Variants in ATP11A observed in about 807,000 individuals in gnomAD.
ATP11A encodes the protein ATPase phospholipid transporting 11A, also known as phospholipid-transporting ATPase IH.
Under a neutral mutation model 154.4 loss-of-function variants are expected in ATP11A, and 81 were observed. The ratio of observed to expected loss-of-function variants is 0.52; its 90% confidence interval spans 0.44 to 0.63. The LOEUF (loss-of-function observed/expected upper bound fraction) is 0.63. Among genes scored for constraint, ATP11A ranks in the 30% least tolerant of loss-of-function variants. ATP11A has a pLI of 0.00. For missense variants in ATP11A, 1,316 were observed against 1,474.3 expected, an observed-to-expected ratio of 0.89 and a Z score of 1.76; for synonymous variants, 623 against 585.9, an observed-to-expected ratio of 1.06 and a Z score of -0.91.
At chr13:112,810,832 A>T (rs2078472978) in intron 5 of ATP11A, 106 bp downstream of exon 5, 3 of 934,852 alleles carry the variant, frequency 3.2e-6, no homozygotes, top group Non-Finnish European at 5.0e-6. Context: ...GCTACTCAGG[A>T]GGCTGAGGCA....
chr13:112,878,250 A>T lies in ATP11A; in HGVS notation c.3361A>T (p.Thr1121Ser). The stretch of plus-strand genomic sequence containing the variant: ...CCAGTGCCTTTCTGTCGAGCAGTCA[A>T]CCATCTTTATGCTTTCTCAGACTTC... ...KSQCLSVEQS[T>S]IFMLSQTSSS... The change falls in exon 29 of 30, where the codon ACC becomes TCC. Residue 1121 changes from threonine to serine, a missense_variant. Around this residue, in one of 5 missense-constraint regions of ATP11A, gnomAD observed 294 missense variants for 290.2 expected, o/e 1.01. Coordinates refer to ENST00000375645, the MANE Select transcript of ATP11A (RefSeq NM_015205.3). The T allele has an allele frequency of 6.2e-7, 1 of 1,614,202 alleles. No homozygotes were observed. Among genetic ancestry groups the T allele is most frequent in the Non-Finnish European group, 8.5e-7 (1 of 1,180,034 alleles).
At position 112,882,033 on chromosome 13, in the gene ATP11A, G is replaced by A; in HGVS notation, c.*167G>A. 7.3e-7 allele frequency: 1 copy of A among 1,367,780 alleles called. No homozygotes were observed. The highest frequency in any genetic ancestry group is 9.8e-7 in the Non-Finnish European group (1 of 1,021,976). The allele number at this position is 1,367,780 out of a possible 1,614,324, so 84.7% of individuals were successfully genotyped here. A position where few individuals can be genotyped will look rare whatever the true frequency, so the allele number is the denominator to read the frequency against. On this transcript the variant is annotated 3_prime_UTR_variant, in exon 30 of 30. Coordinates refer to ENST00000375645, the MANE Select transcript of ATP11A (RefSeq NM_015205.3). This position sits in a 1 kb window ranked among gnomAD's most constrained non-coding sequence, Gnocchi z 5.1. ...TGCAGTTCCATCCCAAGTCACAGCTGCCCTAGGTCCCGTGTGGGAATGCTC... is the reference window on the plus strand; with the variant it reads ...TGCAGTTCCATCCCAAGTCACAGCTACCCTAGGTCCCGTGTGGGAATGCTC...
intron 2 of ATP11A, among the ~76,000 whole-genome samples, chr13:112,799,254 G>A (rs935269842): frequency 6.6e-6 from 1 of 152,212 alleles, no homozygotes; most frequent in Non-Finnish European, 1.5e-5. Context: ...GTAAGGACAC[G>A]GTTGAACTGA....
chr13:112,702,869 G>A (rs1886734222), intron 1 of ATP11A, among the ~76,000 whole-genome samples: 1 of 152,246 alleles, frequency 6.6e-6, no homozygotes, highest in Non-Finnish European at 1.5e-5. Flanking sequence ...CACCAGCAAA[G>A]TGAGTTTATG....
At chr13:112,751,747 T>G (rs2076698180) in intron 1 of ATP11A, among the ~76,000 whole-genome samples, 1 of 150,594 alleles carries the variant, frequency 6.6e-6, no homozygotes, top group African/African-American at 2.4e-5. Flanking sequence ...CCCCTTTTTT[T>G]GAGACAGGGT....
At chr13:112,728,902 C>A (rs565382094) in intron 1 of ATP11A, among the ~76,000 whole-genome samples, 1 of 152,178 alleles carries the variant, frequency 6.6e-6, no homozygotes, top group African/African-American at 2.4e-5. Flanking sequence ...CCTCTGCTAG[C>A]GGCTTCCCTC....
intron 1 of ATP11A, among the ~76,000 whole-genome samples, chr13:112,694,724 C>T (rs1021654327): frequency 6.6e-6 from 1 of 152,158 alleles, no homozygotes; most frequent in East Asian, 1.9e-4. Context: ...GTCAGAGCTT[C>T]TGCTTGTTTC....
chr13:112,803,989 TC>T (rs533244156), intron 2 of ATP11A, among the ~76,000 whole-genome samples: 1 of 56,882 alleles, frequency 1.8e-5, no homozygotes, highest in Admixed American at 2.0e-4. Context: ...TTCCCCTCAT[TC>T]CCCTCCTTCC....
At position 112,822,190 on chromosome 13, in the gene ATP11A, A is replaced by G. The variant is rs149297542; in HGVS notation, c.726-1155A>G. 3.1e-4 allele frequency among the ~76,000 whole-genome samples: 47 copies of G among 152,354 alleles called. No homozygotes were observed. The East Asian group carries it at 3.9e-3, about 13-fold the overall frequency. ...CTTTACCCTCTGAAGCAATCCTCTG[A>G]ATGTTATCAATAGCAAAATTTATAC... On this transcript the variant is annotated intron_variant, in intron 8 of 29. Coordinates refer to ENST00000375645, the MANE Select transcript of ATP11A (RefSeq NM_015205.3).
At chr13:112,786,768 C>T (rs1220582921) in intron 2 of ATP11A, among the ~76,000 whole-genome samples, 7 of 152,258 alleles carry the variant, frequency 4.6e-5, no homozygotes, top group African/African-American at 1.4e-4. Context: ...ATGCCTGTGG[C>T]GGCCCACCAT....
chr13:112,809,636 CCAATTTCGA>C (rs1264852635), intron 4 of ATP11A, among the ~76,000 whole-genome samples: 2 of 152,144 alleles, frequency 1.3e-5, no homozygotes. Context: ...AGCTGTGTTT[CCAATTTCGA>C]CACTCATTAG....
intron 10 of ATP11A, 37 bp downstream of exon 10, chr13:112,824,462 A>T (rs780417257): frequency 1.3e-6 from 2 of 1,586,310 alleles, no homozygotes; most frequent in Non-Finnish European, 1.7e-6. Flanking sequence ...GCAACTTAAA[A>T]GTGTCATTAC....
rs373174318 is a variant in ATP11A at position 112,807,187 on chromosome 13, G to A, written c.333+894G>A. On this transcript the variant is annotated intron_variant, in intron 4 of 29. Transcript: ENST00000375645. This position sits in a 1 kb window ranked among gnomAD's most constrained non-coding sequence, Gnocchi z 4.5. ...GGCACCACGGGCCGCCGGCAGGAGC[G>A]TGGCGGAGCCACCAAGCACAGCAGT... is the stretch of plus-strand genomic sequence containing the variant. Among the ~76,000 whole-genome samples the A allele has an allele frequency of 3.9e-5, 6 of 152,362 alleles. No homozygotes were observed. The highest frequency in any genetic ancestry group is 3.4e-3 in the Middle Eastern group (1 of 294).
At position 112,851,159 on chromosome 13, in the gene ATP11A, A is replaced by C. The variant is rs1190831184; in HGVS notation, c.1932A>C (p.Glu644Asp). 8 of 1,614,136 alleles carry C rather than the reference A, an allele frequency of 5.0e-6. No homozygotes were observed. Among genetic ancestry groups the C allele is most frequent in the East Asian group, 2.2e-5 (1 of 44,896 alleles). The part of the protein sequence containing the change: ...ALQDREKKLA[E>D]AYEQIEKDLT... ...AAGATCGAGAGAAAAAGTTAGCAGA[A>C]GCCTATGAGCAAATAGAGAAAGATC... Residue 644 changes from glutamate (E) to aspartate (D), a missense_variant, in exon 18 of 30, where the codon GAA (glutamate) becomes GAC (aspartate). By Grantham distance (45) the Glu-to-Asp change is conservative. This residue lies in a region of ATP11A where 876 missense variants were observed against 1,006.8 expected (regional missense o/e 0.87). Coordinates refer to ENST00000375645, the MANE Select transcript of ATP11A (RefSeq NM_015205.3).
intron 8 of ATP11A, among the ~76,000 whole-genome samples, chr13:112,821,067 G>A (rs2078785153): frequency 6.6e-6 from 1 of 152,174 alleles, no homozygotes; most frequent in South Asian, 2.1e-4. Context: ...CGTATATACT[G>A]TTCTAAAGGT....
intron 16 of ATP11A, among the ~76,000 whole-genome samples, chr13:112,836,830 A>T (rs780093555): frequency 2.7e-4 from 41 of 152,196 alleles, no homozygotes; most frequent in Non-Finnish European, 5.0e-4. Flanking sequence ...GGTGACCCAC[A>T]CGGTTGGGCA....
Position 112,882,902 on chromosome 13 carries a change from G to T in ATP11A, c.*1036G>T. 1 of 398,832 alleles carries T rather than the reference G, an allele frequency of 2.5e-6. No individual in the cohort carries two copies. The highest frequency in any genetic ancestry group is 4.4e-6 in the Non-Finnish European group (1 of 226,274). 24.7% of individuals were successfully genotyped at this position (398,832 alleles called of 1,614,324 possible). ...GCACCAGAACCTGTCTCGGGCTGAC[G>T]GGGGTGGCACACAGGACACGGGTGG... On this transcript the variant is annotated 3_prime_UTR_variant, in exon 30 of 30. Coordinates refer to ENST00000375645, the MANE Select transcript of ATP11A (RefSeq NM_015205.3). This position sits in a 1 kb window ranked among gnomAD's most constrained non-coding sequence, Gnocchi z 5.1.
intron 2 of ATP11A, among the ~76,000 whole-genome samples, chr13:112,791,286 G>GC (rs1184611186): frequency 4.6e-5 from 7 of 152,360 alleles, no homozygotes; most frequent in Non-Finnish European, 8.8e-5. Flanking sequence ...TGGAACCGCG[G>GC]CGCCCCCTGC....
chr13:112,857,777 T>C (rs899638440), intron 20 of ATP11A, 41 bp from the exon 21 acceptor site: 3 of 1,516,032 alleles, frequency 2.0e-6, no homozygotes, highest in African/African-American at 2.7e-5. Context: ...TGTTCAGAAG[T>C]GAAACAGAGA....
Sources: allele counts gnomAD v4.1 joint callset (sites outside exome capture counted in the v4.1 genomes callset), GRCh38; gene constraint gnomAD v4.1.1; regional missense constraint gnomAD v4.1.1; non-coding constraint Gnocchi (gnomAD v3.1); transcripts MANE v1.5; gene names NCBI Gene and HGNC (gene_info 2026-07-23, HGNC 2026-07-21).